Variants in WDFY3 observed in about 807,000 individuals in gnomAD.
WDFY3 encodes the protein WD repeat and FYVE domain containing 3, also known as WD repeat and FYVE domain-containing protein 3.
In WDFY3, 66 loss-of-function variants were observed where a neutral mutation model predicts 409.6. That is an observed-to-expected ratio of 0.16 (90% CI 0.13 to 0.20). WDFY3 has a LOEUF of 0.20. WDFY3 is among the 10% of genes least tolerant of loss of function. WDFY3 has a pLI of 1.00. For missense variants in WDFY3, 3,031 were observed against 4,298.1 expected, an observed-to-expected ratio of 0.71 and a Z score of 8.24; for synonymous variants, 1,521 against 1,537.1, an observed-to-expected ratio of 0.99 and a Z score of 0.25.
chr4:84,784,091 T>C (rs921735824), intron 24 of WDFY3, among the ~76,000 whole-genome samples: 4 of 152,170 alleles, frequency 2.6e-5, no homozygotes, highest in African/African-American at 9.7e-5. Flanking sequence ...CAGTGAATCC[T>C]TGATCTTACA....
At chr4:84,743,276 C>T (rs1738777322) in intron 37 of WDFY3, among the ~76,000 whole-genome samples, 1 of 152,046 alleles carries the variant, frequency 6.6e-6, no homozygotes, top group Admixed American at 6.5e-5. Context: ...AGAAAAAACA[C>T]ATTTCAATGT....
chr4:84,901,474 AGAGG>A (rs1465301157), intron 2 of WDFY3, among the ~76,000 whole-genome samples: 3 of 152,216 alleles, frequency 2.0e-5, no homozygotes, highest in Non-Finnish European at 4.4e-5. Context: ...GGCCCCCACC[AGAGG>A]GAGTTTCTTG....
intron 3 of WDFY3, among the ~76,000 whole-genome samples, chr4:84,877,190 C>A (rs1281605949): frequency 6.6e-6 from 1 of 152,178 alleles, no homozygotes; most frequent in Non-Finnish European, 1.5e-5. Flanking sequence ...ACTTTAACCA[C>A]ACCCGTCTAC....
At chr4:84,727,056 A>G (rs1735777820) in intron 44 of WDFY3, 145 bp from the exon 45 acceptor site, 1 of 676,456 alleles carries the variant, frequency 1.5e-6, no homozygotes, top group South Asian at 2.1e-5. Flanking sequence ...AGCAGCTTAA[A>G]TAATCACTAA....
chr4:84,672,991 C>T lies in WDFY3; in HGVS notation c.10458G>A (p.Lys3486=), dbSNP rs1321505694. 6.2e-7 allele frequency: 1 copy of T among 1,613,786 alleles called. No homozygotes were observed. The highest frequency in any genetic ancestry group is 8.5e-7 in the Non-Finnish European group (1 of 1,179,906). ...TGATTTCAGATTGAAAGCGACTGCA[C>T]CTAAAGGAAAGGAAAAGTCAATTAA... is the stretch of plus-strand genomic sequence containing the variant. ...CRNCGQLFCQ[K]CSRFQSEIKR... The change falls in exon 68 of 68, where the codon AAG becomes AAA. Residue 3486 remains lysine (K), a splice_region_variant and synonymous_variant. Transcript: ENST00000295888.
chr4:84,794,491 A>G, intron 21 of WDFY3, 28 bp downstream of exon 21: 1 of 1,591,090 alleles, frequency 6.3e-7, no homozygotes, highest in Non-Finnish European at 8.6e-7. Flanking sequence ...TCTATAATCA[A>G]AAGAAGAAAA....
intron 37 of WDFY3, among the ~76,000 whole-genome samples, chr4:84,743,010 T>C (rs1738724464): frequency 6.6e-6 from 1 of 152,210 alleles, no homozygotes; most frequent in Admixed American, 6.5e-5. Flanking sequence ...GTGAATTGAC[T>C]TGAGAGTGCA....
rs779890316 is a variant in WDFY3 at position 84,783,059 on chromosome 4, G to A, written c.4078C>T (p.His1360Tyr). 3 of 1,613,892 alleles carry A rather than the reference G, an allele frequency of 1.9e-6. No individual in the cohort carries two copies. The highest frequency in any genetic ancestry group is 2.5e-6 in the Non-Finnish European group (3 of 1,179,860). The change falls in exon 25 of 68, where the codon CAT becomes TAT. Residue 1360 changes from histidine (H) to tyrosine (Y), a missense_variant. This residue lies in a region of WDFY3 where 1,322 missense variants were observed against 1,697.9 expected (regional missense o/e 0.78). Coordinates refer to ENST00000295888, the MANE Select transcript of WDFY3 (RefSeq NM_014991.6). ...AACTTCACAGGAGTGGCATTCTCAT[G>A]TGAGGAAATGCCTAACTGAAAAATA... ...AIAKQLGISS[H>Y]ENATPVKLIH...
Position 84,945,917 on chromosome 4 carries a change from AAAAC to A in WDFY3, c.-225-13558_-225-13555del, listed in dbSNP as rs530420381. Among the ~76,000 whole-genome samples the A allele has an allele frequency of 2.1e-4, 32 of 152,288 alleles. No homozygotes were observed. In the South Asian group the frequency reaches 5.4e-3, roughly 26 times the overall value. ...AGTTTTATTTCCTCATAACAATAAA[AAAAC>A]AAGCAAAAATGGAGGCTATAGAATT... On this transcript the variant is annotated intron_variant, in intron 1 of 67. Transcript: ENST00000295888.
intron 30 of WDFY3, 97 bp from the exon 31 acceptor site, chr4:84,766,469 T>C: frequency 8.2e-7 from 1 of 1,223,178 alleles, no homozygotes; most frequent in South Asian, 1.5e-5. Flanking sequence ...AATATATCTT[T>C]TAGAAAACAT....
intron 30 of WDFY3, among the ~76,000 whole-genome samples, chr4:84,769,335 G>A (rs770073134): frequency 7.9e-5 from 12 of 152,106 alleles, no homozygotes; most frequent in Admixed American, 2.6e-4. Flanking sequence ...AAACAGTATC[G>A]CATGCCACAC....
chr4:84,809,925 A>G lies in WDFY3; in HGVS notation c.2307T>C (p.Phe769=), dbSNP rs1448080793. 2 of 1,614,112 alleles carry G rather than the reference A, an allele frequency of 1.2e-6. No homozygotes were observed. Among genetic ancestry groups the G allele is most frequent in the Non-Finnish European group, 1.7e-6 (2 of 1,179,984 alleles). ...CTGTGGCTACTTTGTAAAGATAAAT[A>G]AAAAGTTTACTGCAGTGCCGTAACG... ...SPTLRHCSKL[F]IYLYKVATDS... is the part of the protein sequence containing the mutation. Residue 769 remains phenylalanine, a synonymous_variant, in exon 14 of 68, where the codon TTT becomes TTC. Coordinates refer to ENST00000295888, the MANE Select transcript of WDFY3 (RefSeq NM_014991.6).
At chr4:84,715,776 G>GA (rs370627075) in intron 49 of WDFY3, among the ~76,000 whole-genome samples, 1,961 of 46,368 alleles carry the variant, frequency 0.042, 29 homozygotes, top group Middle Eastern at 0.068. Context: ...CTCTGTCTCA[G>GA]AAAAAAAAAA....
intron 48 of WDFY3, among the ~76,000 whole-genome samples, chr4:84,717,656 C>T (rs1734157677): frequency 6.6e-6 from 1 of 152,166 alleles, no homozygotes; most frequent in African/African-American, 2.4e-5. Flanking sequence ...ACTTTCATCA[C>T]AGGACTGGTA....
intron 5 of WDFY3, among the ~76,000 whole-genome samples, chr4:84,847,078 A>G (rs1758169828): frequency 6.6e-6 from 1 of 152,130 alleles, no homozygotes; most frequent in African/African-American, 2.4e-5. Flanking sequence ...GGCACAAGGC[A>G]CCATGTGGAC....
In WDFY3 at chr4:84,724,323, T is replaced by TA. The variant is rs150920730; in HGVS notation, c.7441+102dup. 1.3e-3 allele frequency: 1,761 copies of TA among 1,320,182 alleles called. 33 individuals carry two copies. In the East Asian group the frequency reaches 0.036, roughly 27 times the overall value. 81.8% of individuals were successfully genotyped at this position (1,320,182 alleles called of 1,614,324 possible). A position where few individuals can be genotyped will look rare whatever the true frequency, so the allele number is the denominator to read the frequency against. On this transcript the variant is annotated intron_variant, in intron 46 of 67. Coordinates refer to ENST00000295888, the MANE Select transcript of WDFY3 (RefSeq NM_014991.6). Reference sequence around the variant, plus strand: ...ATGGTAAAATGTGTATGGATATTTTTAAAGTTGGCCCTACTATTTATAGTT... The same window carrying TA: ...ATGGTAAAATGTGTATGGATATTTTTAAAAGTTGGCCCTACTATTTATAGTT...
At chr4:84,822,205 T>A (rs1233935458) in intron 10 of WDFY3, among the ~76,000 whole-genome samples, 2 of 152,094 alleles carry the variant, frequency 1.3e-5, no homozygotes, top group Non-Finnish European at 2.9e-5. Context: ...ACAATAATTA[T>A]AAAGAAATTA....
chr4:84,785,382 T>C (rs1412803321), intron 24 of WDFY3, among the ~76,000 whole-genome samples: 1 of 152,164 alleles, frequency 6.6e-6, no homozygotes, highest in Non-Finnish European at 1.5e-5. Flanking sequence ...TCCTGTGGCC[T>C]GTTACCTCAT....
intron 7 of WDFY3, among the ~76,000 whole-genome samples, chr4:84,833,661 A>AAAAAG (rs1170304084): frequency 0.015 from 2,231 of 149,916 alleles, 34 homozygotes; most frequent in African/African-American, 0.039. Context: ...CTCAAAAGAG[A>AAAAAG]AAAAGAAAAG....
Sources: allele counts gnomAD v4.1 joint callset (sites outside exome capture counted in the v4.1 genomes callset), GRCh38; gene constraint gnomAD v4.1.1; regional missense constraint gnomAD v4.1.1; transcripts MANE v1.5; gene names NCBI Gene and HGNC (gene_info 2026-07-23, HGNC 2026-07-21).